The following SDR42E2 variants were observed in gnomAD, a reference collection of about 807,000 sequenced individuals.
SDR42E2 encodes the protein short chain dehydrogenase/reductase family 42E, member 2, also known as putative short-chain dehydrogenase/reductase family 42E member 2.
In SDR42E2, 20 loss-of-function variants were observed where a neutral mutation model predicts 10.5. The ratio of observed to expected loss-of-function variants is 1.90; its 90% CI spans 1.34 to 2.77. SDR42E2 has a LOEUF of 2.77. Ranked by LOEUF, SDR42E2 falls within the 30% of genes most tolerant of loss-of-function variation. SDR42E2 has a pLI of 0.00. For missense variants in SDR42E2, 162 were observed against 104.2 expected, an observed-to-expected ratio of 1.55 and a Z score of -2.42; for synonymous variants, 72 against 39.2, an observed-to-expected ratio of 1.84 and a Z score of -3.12.
chr16:22,185,028 C>G (rs918931963), intron 11 of SDR42E2, among the ~76,000 whole-genome samples: 2 of 152,108 alleles, frequency 1.3e-5, no homozygotes, highest in Admixed American at 6.5e-5. Flanking sequence ...GAAGTTAGGG[C>G]TACTTTAGGA....
At chr16:22,170,362 A>T (rs926254085) in intron 5 of SDR42E2, among the ~76,000 whole-genome samples, 1 of 152,098 alleles carries the variant, frequency 6.6e-6, no homozygotes, top group Non-Finnish European at 1.5e-5. Context: ...CTCAATAAAT[A>T]AATAAATAAA....
rs1013568261 is a variant in SDR42E2 at position 22,190,511 on chromosome 16, G to A, written c.*118G>A. On this transcript the variant is annotated 3_prime_UTR_variant, in exon 13 of 13. Transcript: ENST00000602312. ...CTGGGTTTGAGCGCGCCTCCGCTCC[G>A]CCCCTTGAATCCTGGTCACGCCCCC... 1.3e-5 allele frequency: 5 copies of A among 399,024 alleles called. No homozygotes were observed. The highest frequency in any genetic ancestry group is 2.1e-5 in the African/African-American group (1 of 48,510). 24.7% of individuals were successfully genotyped at this position (399,024 alleles called of 1,614,324 possible). A position where few individuals can be genotyped will look rare whatever the true frequency, so the allele number is the denominator to read the frequency against.
intron 11 of SDR42E2, among the ~76,000 whole-genome samples, chr16:22,185,428 C>T (rs2046729752): frequency 6.6e-6 from 1 of 152,154 alleles, no homozygotes; most frequent in Admixed American, 6.5e-5. Flanking sequence ...CGGCCGATGG[C>T]ACTTGGAGAG....
chr16:22,184,551 G>A (rs1224012350), intron 11 of SDR42E2, among the ~76,000 whole-genome samples: 3 of 152,138 alleles, frequency 2.0e-5, no homozygotes, highest in Admixed American at 6.5e-5. Flanking sequence ...GCAGTGAGCC[G>A]AGATCCCGCC....
At chr16:22,177,519 T>G (rs1441908809) in intron 7 of SDR42E2, among the ~76,000 whole-genome samples, 1 of 151,984 alleles carries the variant, frequency 6.6e-6, no homozygotes, top group East Asian at 1.9e-4. Context: ...TCCCAGCTAC[T>G]TGGGAGGCTA....
Position 22,166,913 on chromosome 16 carries a change from C to T in SDR42E2, c.250C>T (p.Arg84Ter), listed in dbSNP as rs970351996. 17 of 673,862 alleles carry T rather than the reference C, an allele frequency of 2.5e-5. No individual in the cohort carries two copies. Among genetic ancestry groups the T allele is most frequent in the African/African-American group, 8.8e-5 (5 of 56,606 alleles). The allele number at this position is 673,862 out of a possible 1,614,324, so 41.7% of individuals were successfully genotyped here. The change falls in exon 4 of 13, where the codon CGA becomes TGA. Residue 84 changes from arginine (R) to a stop codon, truncating the protein, a stop_gained. Transcript: ENST00000602312. LOFTEE classifies it high-confidence loss of function. ...TCTTCCTCTGGTGCAGGCTGATGTC[C>T]GAGATGAAGAAGCCCTGTACCGTGC... ...PETKFIQADV[R>*]DEEALYRAFE... is the part of the protein sequence containing the mutation.
intron 4 of SDR42E2, among the ~76,000 whole-genome samples, chr16:22,167,970 T>C (rs1047738578): frequency 5.3e-5 from 8 of 152,202 alleles, no homozygotes; most frequent in African/African-American, 1.9e-4. Flanking sequence ...TGGCTGCCTC[T>C]GGGGAGGGAA....
In SDR42E2 at chr16:22,190,696, T is replaced by A. The variant is rs1349680382; in HGVS notation, c.*303T>A. On this transcript the variant is annotated 3_prime_UTR_variant, in exon 13 of 13. Coordinates refer to ENST00000602312, the MANE Select transcript of SDR42E2 (RefSeq NM_001394319.2). The stretch of plus-strand genomic sequence containing the variant: ...CGCTCCTGCTCCGCCCCCTGAATCC[T>A]GGCCACGTCCCTGGTCGGCCCAGAC... 1 of 319,396 alleles carries A rather than the reference T, an allele frequency of 3.1e-6. No individual in the cohort carries two copies. Among genetic ancestry groups the A allele is most frequent in the African/African-American group, 2.4e-5 (1 of 41,974 alleles). 19.8% of individuals were successfully genotyped at this position (319,396 alleles called of 1,614,324 possible). A position where few individuals can be genotyped will look rare whatever the true frequency, so the allele number is the denominator to read the frequency against.
chr16:22,165,045 CTG>C (rs1179125665), intron 1 of SDR42E2, among the ~76,000 whole-genome samples: 22 of 152,204 alleles, frequency 1.4e-4, no homozygotes, highest in Admixed American at 1.1e-3. Context: ...GTCTCTGACT[CTG>C]TGCAGAGGAC....
intron 11 of SDR42E2, among the ~76,000 whole-genome samples, chr16:22,185,908 T>G (rs1273742665): frequency 2.6e-5 from 4 of 152,012 alleles, no homozygotes; most frequent in African/African-American, 7.2e-5. Context: ...TGCCTGGCTA[T>G]TTTCAAAAAT....
At chr16:22,171,314 C>G (rs1156326229) in intron 6 of SDR42E2, among the ~76,000 whole-genome samples, 2 of 152,042 alleles carry the variant, frequency 1.3e-5, no homozygotes, top group Non-Finnish European at 2.9e-5. Flanking sequence ...GATTTTGGCT[C>G]ACTGCAACCT....
At chr16:22,173,621 G>T (rs892483094) in intron 7 of SDR42E2, among the ~76,000 whole-genome samples, 3 of 151,860 alleles carry the variant, frequency 2.0e-5, no homozygotes, top group African/African-American at 7.3e-5. Flanking sequence ...ATATGCAAAG[G>T]TCTGATTAAC....
At chr16:22,176,379 T>C (rs1232963927) in intron 7 of SDR42E2, among the ~76,000 whole-genome samples, 1 of 152,206 alleles carries the variant, frequency 6.6e-6, no homozygotes, top group Non-Finnish European at 1.5e-5. Context: ...TTAATAGATA[T>C]GCTCATTACC....
intron 5 of SDR42E2, among the ~76,000 whole-genome samples, chr16:22,170,023 A>T (rs1269524632): frequency 6.7e-6 from 1 of 149,668 alleles, no homozygotes; most frequent in African/African-American, 2.5e-5. Flanking sequence ...CAAGAGCAAA[A>T]CTCCATCTCA....
chr16:22,189,158 A>G (rs1247167958), intron 12 of SDR42E2, among the ~76,000 whole-genome samples: 2 of 152,128 alleles, frequency 1.3e-5, no homozygotes, highest in Admixed American at 6.5e-5. Flanking sequence ...AAAAGGGACA[A>G]ATACTGGCCT....
At chr16:22,176,977 C>G (rs2046649715) in intron 7 of SDR42E2, among the ~76,000 whole-genome samples, 1 of 152,202 alleles carries the variant, frequency 6.6e-6, no homozygotes, top group Non-Finnish European at 1.5e-5. Context: ...GCTGCCACTT[C>G]CAAAGCACCC....
intron 11 of SDR42E2, 100 bp from the exon 12 acceptor site, chr16:22,186,621 A>G (rs2046738315): frequency 2.5e-6 from 1 of 400,776 alleles, no homozygotes; most frequent in Non-Finnish European, 4.4e-6. Context: ...AGTGACCTCT[A>G]GCAAAGCAAA....
chr16:22,165,195 C>A (rs2046524694), intron 1 of SDR42E2, among the ~76,000 whole-genome samples: 1 of 152,186 alleles, frequency 6.6e-6, no homozygotes, highest in East Asian at 1.9e-4. Context: ...TCAAGCAATT[C>A]TTGTGCTTCA....
At position 22,190,245 on chromosome 16, in the gene SDR42E2, T is replaced by C. The variant is rs528284825; in HGVS notation, c.1121T>C (p.Val374Ala). 2.9e-4 allele frequency: 115 copies of C among 401,218 alleles called. 1 individual carries two copies. The highest frequency in any genetic ancestry group is 2.2e-3 in the African/African-American group (106 of 48,804). 24.9% of individuals were successfully genotyped at this position (401,218 alleles called of 1,614,324 possible). Residue 374 changes from valine (V) to alanine (A), a missense_variant, in exon 13 of 13, where the codon GTG becomes GCG. By Grantham distance (64) the Val-to-Ala change is moderately conservative. Coordinates refer to ENST00000602312, the MANE Select transcript of SDR42E2 (RefSeq NM_001394319.2). The part of the protein sequence containing the change: ...FRFADAVELY[V>A]QSTTRRPRGS... ...TTCGCCGACGCCGTGGAGCTATACG[T>C]GCAGTCCACGACCCGGCGGCCCCGC...
Sources: allele counts gnomAD v4.1 joint callset (sites outside exome capture counted in the v4.1 genomes callset), GRCh38; gene constraint gnomAD v4.1.1; transcripts MANE v1.5; gene names NCBI Gene and HGNC (gene_info 2026-07-23, HGNC 2026-07-21).